POGLUT1: variants seen among roughly 807,000 people sequenced by gnomAD.
The protein encoded by POGLUT1 is protein O-glucosyltransferase 1, also known as 9630046K23Rik.
Under a neutral mutation model 61.3 loss-of-function variants are expected in POGLUT1, and 32 were observed. The observed-to-expected ratio is 0.52, with a 90% CI of 0.39 to 0.70. The LOEUF (loss-of-function observed/expected upper bound fraction) is 0.70, where lower values mean the gene tolerates loss of function less well. Among genes scored for constraint, POGLUT1 ranks in the 30% least tolerant of loss-of-function variants. The pLI, the probability that POGLUT1 is intolerant of heterozygous loss-of-function variation, is 0.00. For missense variants in POGLUT1, 411 were observed against 469.8 expected (o/e 0.87, Z 1.16); for synonymous variants, 158 against 158.2 (o/e 1.00, Z 0.01).
rs1452583463 is a variant in POGLUT1 at position 119,488,631 on chromosome 3, G to A, written c.739-298G>A. The A allele has an allele frequency of 1.3e-5, 3 of 226,010 alleles. No homozygotes were observed. In the East Asian group the frequency reaches 2.5e-4, roughly 19 times the overall value. 14.0% of individuals were successfully genotyped at this position (226,010 alleles called of 1,614,324 possible). On this transcript the variant is annotated intron_variant, in intron 7 of 10. Transcript: ENST00000295588. ...CACAGAGTGAAGTGTGCTGCAGGCT[G>A]TGACATCTGAATTCAAAGGAGGGCA...
At chr3:119,469,128 G>A (rs2081434367) in intron 1 of POGLUT1, 22 bp downstream of exon 1, 1 of 1,567,042 alleles carries the variant, frequency 6.4e-7, no homozygotes, top group Non-Finnish European at 8.7e-7. Flanking sequence ...GCAGTGCCGA[G>A]CCTGCCCCTT....
chr3:119,490,621 G>A lies in POGLUT1; in HGVS notation c.868G>A (p.Val290Ile). The A allele has an allele frequency of 6.2e-7, 1 of 1,614,122 alleles. No homozygotes were observed. The highest frequency in any genetic ancestry group is 1.1e-5 in the South Asian group (1 of 91,090). ...ACACCTCTTCCTGTGTGGCTCACTT[G>A]TTTTCCATGTTGGTGATGAGTGGCT... is the stretch of plus-strand genomic sequence containing the variant. ...FKHLFLCGSL[V>I]FHVGDEWLEF... is the part of the protein sequence containing the mutation. The change falls in exon 9 of 11, where the codon GTT (valine) becomes ATT (isoleucine). Residue 290 changes from valine (V) to isoleucine (I), a missense_variant. By Grantham distance (29) the Val-to-Ile change is conservative. Coordinates refer to ENST00000295588, the MANE Select transcript of POGLUT1 (RefSeq NM_152305.3).
intron 2 of POGLUT1, among the ~76,000 whole-genome samples, chr3:119,470,962 A>G (rs1434151101): frequency 6.6e-6 from 1 of 152,162 alleles, no homozygotes; most frequent in Non-Finnish European, 1.5e-5. Flanking sequence ...CGTAAACTTC[A>G]CCTCCTGTGG....
chr3:119,480,294 G>A (rs2081591086), intron 5 of POGLUT1, 122 bp downstream of exon 5: 2 of 718,376 alleles, frequency 2.8e-6, no homozygotes, highest in East Asian at 3.5e-5. Flanking sequence ...TTTTGCCCAG[G>A]CTAGAGTGCA....
chr3:119,473,804 G>A (rs1156856006), intron 3 of POGLUT1, among the ~76,000 whole-genome samples: 1 of 151,898 alleles, frequency 6.6e-6, no homozygotes, highest in Non-Finnish European at 1.5e-5. Context: ...GGGACTACAG[G>A]CGCCCGCCAC....
At chr3:119,487,495 G>A (rs1307001365) in intron 7 of POGLUT1, among the ~76,000 whole-genome samples, 1 of 152,094 alleles carries the variant, frequency 6.6e-6, no homozygotes, top group African/African-American at 2.4e-5. Context: ...GCTGAGGCAG[G>A]AGAATCGCTT....
intron 4 of POGLUT1, chr3:119,478,384 C>G (rs1385484740): frequency 2.2e-6 from 1 of 456,708 alleles, no homozygotes; most frequent in Non-Finnish European, 4.4e-6. Context: ...ATTTGTGTTG[C>G]ATTTCCCATG....
At chr3:119,483,122 A>C (rs2081625195) in intron 5 of POGLUT1, among the ~76,000 whole-genome samples, 1 of 152,238 alleles carries the variant, frequency 6.6e-6, no homozygotes, top group African/African-American at 2.4e-5. Context: ...ATATGTATCA[A>C]AATTGGAAAT....
At chr3:119,472,090 T>C (rs2081480440) in intron 3 of POGLUT1, among the ~76,000 whole-genome samples, 1 of 152,154 alleles carries the variant, frequency 6.6e-6, no homozygotes, top group Non-Finnish European at 1.5e-5. Context: ...TGAGGTACCA[T>C]GTCAGTGGGC....
chr3:119,491,570 G>A lies in POGLUT1; in HGVS notation c.1018G>A (p.Glu340Lys). 1 of 1,543,774 alleles carries A rather than the reference G, an allele frequency of 6.5e-7. No homozygotes were observed. Among genetic ancestry groups the A allele is most frequent in the Non-Finnish European group, 8.9e-7 (1 of 1,127,676 alleles). Residue 340 changes from glutamate (E) to lysine (K), a missense_variant, in exon 10 of 11, where the codon GAA becomes AAA. Transcript: ENST00000295588. ...ANDDVAQEIA[E>K]RGSQFIRNHL... ...TGATGATGTAGCTCAAGAGATTGCT[G>A]AAAGGTGAGTTCTGTTCATTTTCCC...
At chr3:119,486,977 C>T in intron 7 of POGLUT1, 45 bp downstream of exon 7, 1 of 1,252,070 alleles carries the variant, frequency 8.0e-7, no homozygotes, top group Non-Finnish European at 1.2e-6. Flanking sequence ...TGAACATTCT[C>T]ACTCAAAGAA....
Position 119,471,405 on chromosome 3 carries a change from C to T in POGLUT1, c.273C>T (p.Ile91=), listed in dbSNP as rs1451443188. 4 of 1,613,898 alleles carry T rather than the reference C, an allele frequency of 2.5e-6. No individual in the cohort carries two copies. The highest frequency in any genetic ancestry group is 2.2e-5 in the East Asian group (1 of 44,902). ...VRRKLGTHYQ[I]TKNRLYREND... is the part of the protein sequence containing the mutation. ...GGAAGCTAGGGACCCACTATCAGATCACTAAGAACAGACTGTACCGGGAAA... is the reference window on the plus strand; with the variant it reads ...GGAAGCTAGGGACCCACTATCAGATTACTAAGAACAGACTGTACCGGGAAA... Residue 91 remains isoleucine (I), a synonymous_variant, in exon 3 of 11, where the codon ATC becomes ATT. Coordinates refer to ENST00000295588, the MANE Select transcript of POGLUT1 (RefSeq NM_152305.3).
chr3:119,480,736 T>A (rs867830766), intron 5 of POGLUT1, among the ~76,000 whole-genome samples: 3 of 148,652 alleles, frequency 2.0e-5, no homozygotes, highest in African/African-American at 7.3e-5. Context: ...TTTAAATTTT[T>A]CTTTCTTTTT....
chr3:119,470,802 C>T (rs2081460892), intron 2 of POGLUT1, among the ~76,000 whole-genome samples: 1 of 152,172 alleles, frequency 6.6e-6, no homozygotes, highest in Non-Finnish European at 1.5e-5. Context: ...GCTTATGATA[C>T]TTATTGAAAA....
intron 3 of POGLUT1, chr3:119,471,716 G>A (rs2081476360): frequency 7.0e-6 from 3 of 425,906 alleles, no homozygotes; most frequent in Non-Finnish European, 1.3e-5. Flanking sequence ...CTGGGATATA[G>A]TAGCGGCAGG....
rs1238181348 is a variant in POGLUT1 at position 119,485,378 on chromosome 3, G to A, written c.629G>A (p.Arg210Gln). 1.9e-6 allele frequency: 3 copies of A among 1,603,308 alleles called. No individual in the cohort carries two copies. The highest frequency in any genetic ancestry group is 2.6e-6 in the Non-Finnish European group (3 of 1,170,714). ...AAGAAAAACTCTACAGCATATTTCC[G>A]AGGATCAAGGTGAGTTATTTTCTGA... ...WKKKNSTAYF[R>Q]GSRTSPERDP... The change falls in exon 6 of 11, where the codon CGA (arginine) becomes CAA (glutamine). Residue 210 changes from arginine (R) to glutamine (Q), a missense_variant. Coordinates refer to ENST00000295588, the MANE Select transcript of POGLUT1 (RefSeq NM_152305.3).
At chr3:119,482,067 G>GA (rs2081611310) in intron 5 of POGLUT1, among the ~76,000 whole-genome samples, 1 of 151,944 alleles carries the variant, frequency 6.6e-6, no homozygotes, top group African/African-American at 2.4e-5. Context: ...CACTAAGCTG[G>GA]AAAAAAGGTT....
At chr3:119,475,098 C>G (rs1190815209) in intron 3 of POGLUT1, among the ~76,000 whole-genome samples, 1 of 152,174 alleles carries the variant, frequency 6.6e-6, no homozygotes, top group Non-Finnish European at 1.5e-5. Flanking sequence ...GACCCTCAGA[C>G]TGCTAGTCCC....
chr3:119,476,164 T>TA (rs1233912910), intron 3 of POGLUT1, among the ~76,000 whole-genome samples: 12 of 151,822 alleles, frequency 7.9e-5, no homozygotes, highest in East Asian at 1.9e-4. Flanking sequence ...CTGCCTCAAA[T>TA]AAAAAAAACC....
Sources: allele counts gnomAD v4.1 joint callset (sites outside exome capture counted in the v4.1 genomes callset), GRCh38; gene constraint gnomAD v4.1.1; transcripts MANE v1.5; gene names NCBI Gene and HGNC (gene_info 2026-07-23, HGNC 2026-07-21).